DHX36: variants seen among roughly 807,000 people sequenced by gnomAD.
DHX36 encodes the protein DEAH-box helicase 36.
A neutral mutation model predicts 139.0 loss-of-function variants in DHX36; 50 were observed. The observed-to-expected ratio is 0.36, with a 90% CI of 0.29 to 0.46. The LOEUF is 0.46. Ranked by LOEUF, DHX36 falls within the 20% of genes least tolerant of loss-of-function variation. DHX36 has a pLI of 1.00. For missense variants in DHX36, 1,024 were observed against 1,211.3 expected (o/e 0.85, Z 2.29); for synonymous variants, 425 against 401.9 (o/e 1.06, Z -0.69).
chr3:154,319,688 T>C (rs554465078), intron 1 of DHX36, among the ~76,000 whole-genome samples: 5 of 152,266 alleles, frequency 3.3e-5, no homozygotes, highest in Middle Eastern at 3.4e-3. Flanking sequence ...TCAACCGATA[T>C]TCTGGTTTGC....
In DHX36 at chr3:154,321,053, G is replaced by T. The variant is rs140620141; in HGVS notation, c.243+3121C>A. 2.9e-3 allele frequency among the ~76,000 whole-genome samples: 442 copies of T among 152,170 alleles called. 1 individual carries two copies. Among genetic ancestry groups the T allele is most frequent in the African/African-American group, 0.01 (422 of 41,492 alleles). ...TTGCTGTTTCTGAAATTATATTAAA[G>T]GATCATGACCAGCATTAATAAAAAG... On this transcript the variant is annotated intron_variant, in intron 1 of 24. Coordinates refer to ENST00000496811, the MANE Select transcript of DHX36 (RefSeq NM_020865.3).
rs139534613 is a variant in DHX36, at chr3:154,300,575, A to C, written c.1461+19T>G. On this transcript the variant is annotated intron_variant, in intron 11 of 24. Coordinates refer to ENST00000496811, the MANE Select transcript of DHX36 (RefSeq NM_020865.3). Reference sequence around the variant, plus strand: ...AAAATTAAAATTATGTTAACTGAAGAAAGAAAAATAAAACTAACCTCTTCT... The same window carrying C: ...AAAATTAAAATTATGTTAACTGAAGCAAGAAAAATAAAACTAACCTCTTCT... 9.9e-3 allele frequency: 15,605 copies of C among 1,583,198 alleles called. 125 individuals are homozygous for C. Among genetic ancestry groups the C allele is most frequent in the Non-Finnish European group, 0.011 (12,219 of 1,156,186 alleles).
At chr3:154,321,789 T>C (rs895966668) in intron 1 of DHX36, among the ~76,000 whole-genome samples, 6 of 152,034 alleles carry the variant, frequency 3.9e-5, no homozygotes, top group African/African-American at 1.5e-4. Context: ...CAAAACCCTG[T>C]CTCTTCTAAA....
intron 3 of DHX36, chr3:154,314,550 T>C (rs1258481978): frequency 6.5e-6 from 1 of 152,712 alleles, no homozygotes; most frequent in East Asian, 1.9e-4. Context: ...GACCTTAAAA[T>C]ATCTTGCCTA....
chr3:154,276,155 CA>C lies in DHX36; in HGVS notation c.*15del. ...TGGCTGTCAAACTGGCTTTTCAGAC[CA>C]CCCCTGAAAAGCTGTCAGCTGTAAT... On this transcript the variant is annotated 3_prime_UTR_variant, in exon 25 of 25. Transcript: ENST00000496811. 6.3e-7 allele frequency: 1 copy of C among 1,585,408 alleles called. No homozygotes were observed. Among genetic ancestry groups the C allele is most frequent in the Non-Finnish European group, 8.6e-7 (1 of 1,167,836 alleles).
chr3:154,309,229 TA>T (rs998790893), intron 5 of DHX36, among the ~76,000 whole-genome samples: 15 of 143,552 alleles, frequency 1.0e-4, no homozygotes, highest in South Asian at 4.4e-4. Flanking sequence ...AAATGCAGCT[TA>T]AAAAAAAAAA....
At chr3:154,315,326 C>CA (rs1559959904) in intron 2 of DHX36, 46 bp from the exon 3 acceptor site, 2 of 1,372,152 alleles carry the variant, frequency 1.5e-6, no homozygotes, top group East Asian at 2.3e-5. Flanking sequence ...ATGAGCCACT[C>CA]AAACACTGGA....
chr3:154,297,083 C>A (rs1188159762), intron 12 of DHX36, among the ~76,000 whole-genome samples: 1 of 152,162 alleles, frequency 6.6e-6, no homozygotes, highest in African/African-American at 2.4e-5. Context: ...ATGGCCTGGT[C>A]TTTTCCATGA....
intron 11 of DHX36, among the ~76,000 whole-genome samples, 183 bp downstream of exon 11, chr3:154,300,411 T>C (rs1576870347): frequency 6.6e-6 from 1 of 152,356 alleles, no homozygotes; most frequent in East Asian, 1.9e-4. Context: ...ATATATTTGT[T>C]TAGTCTTTTC....
At chr3:154,302,558 A>C (rs1298522605) in intron 9 of DHX36, among the ~76,000 whole-genome samples, 1 of 152,166 alleles carries the variant, frequency 6.6e-6, no homozygotes, top group African/African-American at 2.4e-5. Context: ...TTCAGTTCTG[A>C]AGCTACACTA....
chr3:154,291,813 T>A (rs910624518), intron 15 of DHX36, among the ~76,000 whole-genome samples: 1 of 152,242 alleles, frequency 6.6e-6, no homozygotes. Context: ...CATATATGGC[T>A]CTTATCACTC....
chr3:154,288,147 C>CAAA (rs34632439), intron 17 of DHX36, among the ~76,000 whole-genome samples: 380 of 51,248 alleles, frequency 7.4e-3, no homozygotes, highest in Middle Eastern at 0.019. Context: ...GACTCTGTCT[C>CAAA]AAAAAAAAAA....
intron 17 of DHX36, 78 bp from the exon 18 acceptor site, chr3:154,285,065 G>T (rs1711508931): frequency 6.9e-7 from 1 of 1,448,358 alleles, no homozygotes; most frequent in Non-Finnish European, 9.5e-7. Flanking sequence ...GCTTTAAAAA[G>T]AGTAACAAGC....
intron 19 of DHX36, among the ~76,000 whole-genome samples, chr3:154,284,354 T>C (rs1711501067): frequency 6.6e-6 from 1 of 152,048 alleles, no homozygotes; most frequent in South Asian, 2.1e-4. Flanking sequence ...CTAATTTTTG[T>C]ATTTGTAGTA....
chr3:154,300,479 A>G, intron 11 of DHX36, 115 bp downstream of exon 11: 1 of 803,438 alleles, frequency 1.2e-6, no homozygotes, highest in Non-Finnish European at 2.0e-6. Context: ...CTAGTATCAA[A>G]AGTAATTTCT....
intron 23 of DHX36, among the ~76,000 whole-genome samples, 164 bp downstream of exon 23, chr3:154,277,434 A>G (rs1453562997): frequency 2.0e-5 from 3 of 152,176 alleles, no homozygotes; most frequent in Non-Finnish European, 4.4e-5. Context: ...ACAGACCTGA[A>G]AATTAAAAGA....
chr3:154,272,793 G>T lies in DHX36; in HGVS notation c.*3378C>A, dbSNP rs973884794. 1.4e-4 allele frequency: 21 copies of T among 152,080 alleles called. No individual in the cohort carries two copies. Among genetic ancestry groups the T allele is most frequent in the African/African-American group, 4.8e-4 (20 of 41,526 alleles). 9.4% of individuals were successfully genotyped at this position (152,080 alleles called of 1,614,324 possible). ...ACTTATAAATAAATACAAACTCAGA[G>T]CTAAGAACAGAAGGAAATTTACCAC... On this transcript the variant is annotated 3_prime_UTR_variant, in exon 25 of 25. Transcript: ENST00000496811.
chr3:154,287,714 G>T (rs1711596253), intron 17 of DHX36, among the ~76,000 whole-genome samples: 1 of 151,776 alleles, frequency 6.6e-6, no homozygotes, highest in Admixed American at 6.6e-5. Flanking sequence ...TTAAAAAAAG[G>T]AAAGTTGAAA....
chr3:154,304,790 T>C lies in DHX36; in HGVS notation c.1135+16A>G. On this transcript the variant is annotated intron_variant, in intron 8 of 24. Coordinates refer to ENST00000496811, the MANE Select transcript of DHX36 (RefSeq NM_020865.3). The stretch of plus-strand genomic sequence containing the variant: ...CTAGTACCTTTTCTAATGTAATAAC[T>C]ATACATTTTACTCACCAAAATATTC... 2 of 1,514,936 alleles carry C rather than the reference T, an allele frequency of 1.3e-6. No homozygotes were observed. The highest frequency in any genetic ancestry group is 1.8e-6 in the Non-Finnish European group (2 of 1,131,794). 93.8% of individuals were successfully genotyped at this position (1,514,936 alleles called of 1,614,324 possible). A position where few individuals can be genotyped will look rare whatever the true frequency, so the allele number is the denominator to read the frequency against.
Sources: allele counts gnomAD v4.1 joint callset (sites outside exome capture counted in the v4.1 genomes callset), GRCh38; gene constraint gnomAD v4.1.1; transcripts MANE v1.5; gene names NCBI Gene and HGNC (gene_info 2026-07-23, HGNC 2026-07-21).